IPO11: variants seen among roughly 807,000 people sequenced by gnomAD.
The protein encoded by IPO11 is importin 11.
Under a neutral mutation model 143.2 loss-of-function variants are expected in IPO11, and 66 were observed. The ratio of observed to expected loss-of-function variants is 0.46; its 90% CI spans 0.38 to 0.57. The LOEUF (loss-of-function observed/expected upper bound fraction) is 0.57. Among genes scored for constraint, IPO11 ranks in the 20% least tolerant of loss-of-function variants. The pLI is 0.00. For missense variants in IPO11, 1,026 were observed against 1,141.0 expected, an observed-to-expected ratio of 0.90 and a Z score of 1.45; for synonymous variants, 385 against 377.8, an observed-to-expected ratio of 1.02 and a Z score of -0.22.
intron 22 of IPO11, among the ~76,000 whole-genome samples, chr5:62,532,275 AACTGTATGAC>A (rs1406754352): frequency 6.6e-6 from 1 of 152,158 alleles, no homozygotes; most frequent in African/African-American, 2.4e-5. Flanking sequence ...ACTTTACTAT[AACTGTATGAC>A]ACTATTTTTA....
chr5:62,493,762 T>C (rs1467754719), intron 15 of IPO11, among the ~76,000 whole-genome samples: 3 of 152,118 alleles, frequency 2.0e-5, no homozygotes, highest in African/African-American at 7.2e-5. Context: ...AGAGATGGGG[T>C]TTCACCATGT....
intron 28 of IPO11, among the ~76,000 whole-genome samples, chr5:62,600,619 A>G (rs907892856): frequency 2.6e-5 from 4 of 152,196 alleles, no homozygotes; most frequent in African/African-American, 7.2e-5. Flanking sequence ...TTTTGGGTTG[A>G]TAGAGTAATG....
intron 1 of IPO11, chr5:62,419,028 T>C (rs533777432): frequency 4.0e-5 from 62 of 1,551,130 alleles, no homozygotes; most frequent in Admixed American, 1.4e-4. Context: ...TACAGCCTAT[T>C]ATACACTTGG....
intron 1 of IPO11, among the ~76,000 whole-genome samples, chr5:62,418,692 T>C (rs556893841): frequency 1.3e-5 from 2 of 152,344 alleles, no homozygotes; most frequent in South Asian, 4.1e-4. Context: ...GACATGCTTT[T>C]ATCTAGAGAC....
intron 2 of IPO11, among the ~76,000 whole-genome samples, chr5:62,442,116 TTACAGGCGTGAGC>T (rs1744505926): frequency 6.6e-6 from 1 of 152,164 alleles, no homozygotes; most frequent in Non-Finnish European, 1.5e-5. Context: ...AGTGCTGGGA[TTACAGGCGTGAGC>T]TACCGCGCCC....
chr5:62,575,964 G>A (rs1476883598), intron 27 of IPO11: 1 of 152,066 alleles, frequency 6.6e-6, no homozygotes, highest in Non-Finnish European at 1.5e-5. Context: ...AATCTTTAAG[G>A]GGTTACAGCA....
At chr5:62,503,343 A>G (rs1741413880) in intron 16 of IPO11, among the ~76,000 whole-genome samples, 1 of 131,914 alleles carries the variant, frequency 7.6e-6, no homozygotes, top group Non-Finnish European at 1.6e-5. Flanking sequence ...ATATATTAAT[A>G]GTATCTATTA....
At chr5:62,432,524 G>A (rs567587701) in intron 1 of IPO11, among the ~76,000 whole-genome samples, 3 of 152,200 alleles carry the variant, frequency 2.0e-5, no homozygotes, top group Non-Finnish European at 4.4e-5. Context: ...GTGGGGTAGG[G>A]CTGGGTTTGT....
intron 27 of IPO11, among the ~76,000 whole-genome samples, chr5:62,588,224 TA>T (rs1744875512): frequency 6.6e-6 from 1 of 151,554 alleles, no homozygotes; most frequent in Non-Finnish European, 1.5e-5. Flanking sequence ...TCTCTACCAC[TA>T]AACTTTTTTT....
intron 27 of IPO11, chr5:62,579,372 A>T (rs1381492451): frequency 6.9e-7 from 1 of 1,445,714 alleles, no homozygotes; most frequent in Non-Finnish European, 9.5e-7. Context: ...AGTTTTCGTG[A>T]TTTAAAGCTT....
intron 15 of IPO11, among the ~76,000 whole-genome samples, chr5:62,490,907 C>T (rs1372848899): frequency 2.0e-5 from 3 of 152,318 alleles, no homozygotes; most frequent in African/African-American, 7.2e-5. Flanking sequence ...AGGCGCATGC[C>T]ACCACACCTG....
intron 1 of IPO11, chr5:62,418,976 A>G (rs1056336607): frequency 5.9e-6 from 9 of 1,538,256 alleles, no homozygotes; most frequent in Non-Finnish European, 7.9e-6. Context: ...TCGTTAGGCA[A>G]TTTTGTTGTT....
At chr5:62,491,061 T>A (rs959936197) in intron 15 of IPO11, among the ~76,000 whole-genome samples, 1 of 152,212 alleles carries the variant, frequency 6.6e-6, no homozygotes, top group African/African-American at 2.4e-5. Context: ...TTTGAAAAAA[T>A]TCTAAGGGGC....
At chr5:62,438,761 AAGG>A (rs942340673) in intron 2 of IPO11, among the ~76,000 whole-genome samples, 2 of 146,162 alleles carry the variant, frequency 1.4e-5, no homozygotes, top group Admixed American at 6.9e-5. Flanking sequence ...TCAAAAAAAA[AAGG>A]GGGGGAGCAG....
At chr5:62,483,983 A>G (rs762033949) in intron 10 of IPO11, 27 bp from the exon 11 acceptor site, 6 of 1,580,240 alleles carry the variant, frequency 3.8e-6, no homozygotes, top group East Asian at 2.3e-5. Flanking sequence ...TGGCTATACA[A>G]TTAACTTGGA....
chr5:62,626,453 G>T (rs896785480), intron 29 of IPO11, among the ~76,000 whole-genome samples: 1 of 152,202 alleles, frequency 6.6e-6, no homozygotes, highest in Non-Finnish European at 1.5e-5. Flanking sequence ...ACTCTTGGTT[G>T]CAGGATTCAA....
intron 29 of IPO11, among the ~76,000 whole-genome samples, chr5:62,607,398 AT>A (rs1220367122): frequency 6.6e-6 from 1 of 151,988 alleles, no homozygotes; most frequent in Non-Finnish European, 1.5e-5. Flanking sequence ...TCTCTGGATG[AT>A]TTTGACCACT....
intron 27 of IPO11, among the ~76,000 whole-genome samples, chr5:62,582,565 C>CT (rs1363140096): frequency 6.6e-6 from 1 of 152,166 alleles, no homozygotes; most frequent in Non-Finnish European, 1.5e-5. Flanking sequence ...ATTTCTTAAA[C>CT]TTTCATCTGT....
chr5:62,550,651 A>G (rs1357955771), intron 25 of IPO11, among the ~76,000 whole-genome samples, 189 bp downstream of exon 25: 1 of 152,182 alleles, frequency 6.6e-6, no homozygotes, highest in Non-Finnish European at 1.5e-5. Context: ...TTTCTTTGAC[A>G]TGTGTCTTTC....
Sources: gnomAD v4.1 joint callset for allele counts (sites outside exome capture counted in the v4.1 genomes callset) on GRCh38, gnomAD v4.1.1 for gene constraint, MANE v1.5 for transcripts, NCBI Gene and HGNC (gene_info 2026-07-23, HGNC 2026-07-21) for gene names.